ROR2: variants seen among roughly 807,000 people sequenced by gnomAD.
ROR2 encodes ROR family WNT receptor 2, also known as tyrosine-protein kinase transmembrane receptor ROR2.
Under a neutral mutation model 74.9 loss-of-function variants are expected in ROR2, and 33 were observed. The ratio of observed to expected loss-of-function variants is 0.44; its 90% CI spans 0.33 to 0.59. The LOEUF (loss-of-function observed/expected upper bound fraction) is 0.59. Ranked by LOEUF, ROR2 falls within the 20% of genes least tolerant of loss-of-function variation. The pLI is 0.02. For synonymous variants in ROR2, 586 were observed against 558.7 expected (o/e 1.05, Z -0.69); for missense variants, 1,216 against 1,313.8 (o/e 0.93, Z 1.15).
chr9:91,815,530 T>C (rs1209638926), intron 1 of ROR2, among the ~76,000 whole-genome samples: 1 of 152,248 alleles, frequency 6.6e-6, no homozygotes, highest in Non-Finnish European at 1.5e-5. Context: ...AAGCTCCTCT[T>C]GCCTTTGACA....
At chr9:91,817,870 G>A (rs1827998910) in intron 1 of ROR2, among the ~76,000 whole-genome samples, 1 of 151,972 alleles carries the variant, frequency 6.6e-6, no homozygotes, top group African/African-American at 2.4e-5. Context: ...GGAGAGGGAG[G>A]GGAAGGGGCT....
At chr9:91,837,575 C>T (rs73651567) in intron 1 of ROR2, among the ~76,000 whole-genome samples, 25,904 of 152,178 alleles carry the variant, frequency 0.17, 3,590 homozygotes, top group African/African-American at 0.38. Flanking sequence ...CAAAGGTAAG[C>T]GATCTTAAGG....
chr9:91,778,413 T>C (rs1176257486), intron 1 of ROR2, among the ~76,000 whole-genome samples: 24 of 152,220 alleles, frequency 1.6e-4, no homozygotes, highest in Admixed American at 1.6e-3. Flanking sequence ...GTGCCTGTCC[T>C]GAGTCATTCT....
intron 1 of ROR2, among the ~76,000 whole-genome samples, chr9:91,928,602 T>G (rs75412536): frequency 0.029 from 4,443 of 152,320 alleles, 101 homozygotes; most frequent in South Asian, 0.061. Flanking sequence ...TTCACCATTC[T>G]GGGGACATAA....
chr9:91,726,687 T>C lies in ROR2; in HGVS notation c.1240A>G (p.Ile414Val), dbSNP rs145023692. The change falls in exon 8 of 9, where the codon ATT becomes GTT. Residue 414 changes from isoleucine to valine, a missense_variant. Coordinates refer to ENST00000375708, the MANE Select transcript of ROR2 (RefSeq NM_004560.4). ...AAAAGGCAAGCGATGACCAGTGGAATTGCGATGCTGGGGACCAAGATGTAC... is the reference window on the plus strand; with the variant it reads ...AAAAGGCAAGCGATGACCAGTGGAACTGCGATGCTGGGGACCAAGATGTAC... ...ILYILVPSIA[I>V]PLVIACLFFL... 23 of 1,613,800 alleles carry C rather than the reference T, an allele frequency of 1.4e-5. No individual in the cohort carries two copies. In the African/African-American group the frequency reaches 2.8e-4, roughly 20 times the overall value.
At chr9:91,771,379 AAC>A (rs1312454572) in intron 2 of ROR2, among the ~76,000 whole-genome samples, 6 of 152,368 alleles carry the variant, frequency 3.9e-5, no homozygotes, top group African/African-American at 1.4e-4. Context: ...GTGCATTTAA[AAC>A]ACAGTCTTGG....
intron 1 of ROR2, among the ~76,000 whole-genome samples, chr9:91,796,208 G>A (rs1262217386): frequency 2.0e-5 from 3 of 152,154 alleles, no homozygotes; most frequent in Non-Finnish European, 4.4e-5. Context: ...TTGAGAGGCT[G>A]AGGCAGGTGG....
In ROR2 at chr9:91,929,080, C is replaced by T. The variant is rs140315391; in HGVS notation, c.97+20787G>A. Among the ~76,000 whole-genome samples, 31 of 152,326 alleles carry T rather than the reference C, an allele frequency of 2.0e-4. No individual in the cohort carries two copies. The East Asian group carries it at 3.1e-3, about 15-fold the overall frequency. ...GTGGCTTTGTGCCTGCATGGGAACACGATTTGACTTTTTGTGGCTCCACAG... is the reference window on the plus strand; with the variant it reads ...GTGGCTTTGTGCCTGCATGGGAACATGATTTGACTTTTTGTGGCTCCACAG... On this transcript the variant is annotated intron_variant, in intron 1 of 8. Coordinates refer to ENST00000375708, the MANE Select transcript of ROR2 (RefSeq NM_004560.4).
At chr9:91,936,749 G>A (rs976279262) in intron 1 of ROR2, among the ~76,000 whole-genome samples, 2 of 151,564 alleles carry the variant, frequency 1.3e-5, no homozygotes, top group Non-Finnish European at 2.9e-5. Context: ...TCCCATCTTC[G>A]GCCGGGCGCG....
At chr9:91,828,431 C>T (rs754684949) in intron 1 of ROR2, among the ~76,000 whole-genome samples, 23 of 152,152 alleles carry the variant, frequency 1.5e-4, no homozygotes, top group Non-Finnish European at 1.3e-4. Context: ...TACATATTCT[C>T]GGCAGGGTGC....
Position 91,724,351 on chromosome 9 carries a change from C to G in ROR2, c.2143G>C (p.Asp715His), listed in dbSNP as rs201994918. The change falls in exon 9 of 9, where the codon GAT becomes CAT. Residue 715 changes from aspartate to histidine, a missense_variant. Coordinates refer to ENST00000375708, the MANE Select transcript of ROR2 (RefSeq NM_004560.4). Reference sequence around the variant, plus strand: ...GCATACACCCAGGCGGGACAGTCATCGGGGCAAGGCAGCACCTGCCGGTTC... The same window carrying G: ...GCATACACCCAGGCGGGACAGTCATGGGGGCAAGGCAGCACCTGCCGGTTC... ...IRNRQVLPCP[D>H]DCPAWVYALM... 6.2e-7 allele frequency: 1 copy of G among 1,613,578 alleles called. No individual in the cohort carries two copies. The highest frequency in any genetic ancestry group is 8.5e-7 in the Non-Finnish European group (1 of 1,180,026).
intron 4 of ROR2, among the ~76,000 whole-genome samples, chr9:91,753,473 C>T (rs1373974926): frequency 5.3e-5 from 8 of 152,298 alleles, no homozygotes; most frequent in African/African-American, 1.9e-4. Flanking sequence ...GAAATGGGTC[C>T]TTTGACGTTG....
At chr9:91,761,622 T>C (rs1825917767) in intron 2 of ROR2, among the ~76,000 whole-genome samples, 1 of 152,176 alleles carries the variant, frequency 6.6e-6, no homozygotes, top group East Asian at 1.9e-4. Context: ...GAAGCTTCAC[T>C]TTCTCACCTA....
At position 91,724,758 on chromosome 9, in the gene ROR2, T is replaced by A. The variant is rs150610444; in HGVS notation, c.1736A>T (p.Asp579Val). 1.5e-4 allele frequency: 245 copies of A among 1,613,910 alleles called. No individual in the cohort carries two copies. In the African/African-American group the frequency reaches 2.9e-3, roughly 19 times the overall value. The change falls in exon 9 of 9, where the codon GAT (aspartate) becomes GTT (valine). Residue 579 changes from aspartate (D) to valine (V), a missense_variant. Physicochemically the swap from Asp to Val is radical, Grantham distance 152. Coordinates refer to ENST00000375708, the MANE Select transcript of ROR2 (RefSeq NM_004560.4). ...CAGGGCGGACTTCACCGTGCGGTCA[T>A]CATCGGTGCTGCCCACGTCCGAGTG... ...SPHSDVGSTD[D>V]DRTVKSALEP...
chr9:91,886,597 C>A (rs1830281368), intron 1 of ROR2: 1 of 152,440 alleles, frequency 6.6e-6, no homozygotes, highest in Middle Eastern at 3.2e-3. Flanking sequence ...TTCCCGGCAA[C>A]CCCCGGCCCG....
chr9:91,805,538 A>G (rs75738223), intron 1 of ROR2, among the ~76,000 whole-genome samples: 4,212 of 152,246 alleles, frequency 0.028, 127 homozygotes, highest in East Asian at 0.16. Context: ...CTAGCCGGAG[A>G]GGCACACACT....
At chr9:91,917,021 T>C (rs12339763) in intron 1 of ROR2, among the ~76,000 whole-genome samples, 101 of 152,302 alleles carry the variant, frequency 6.6e-4, no homozygotes, top group African/African-American at 2.3e-3. Context: ...CCAAAATTAA[T>C]TCCCCGTGTT....
chr9:91,916,181 A>C (rs1831128660), intron 1 of ROR2, among the ~76,000 whole-genome samples: 2 of 152,216 alleles, frequency 1.3e-5, no homozygotes, highest in African/African-American at 4.8e-5. Context: ...GTCTTGATCT[A>C]ATCACGGAAA....
At chr9:91,755,115 A>G (rs1007018247) in intron 4 of ROR2, among the ~76,000 whole-genome samples, 1 of 152,154 alleles carries the variant, frequency 6.6e-6, no homozygotes, top group African/African-American at 2.4e-5. Context: ...TGATCGTGCC[A>G]CTGCACTCCA....
Sources: allele counts gnomAD v4.1 joint callset (sites outside exome capture counted in the v4.1 genomes callset), GRCh38; gene constraint gnomAD v4.1.1; transcripts MANE v1.5; gene names NCBI Gene and HGNC (gene_info 2026-07-23, HGNC 2026-07-21).